PYROXD2: variants seen among roughly 807,000 people sequenced by gnomAD.
PYROXD2 encodes pyridine nucleotide-disulphide oxidoreductase domain 2.
PYROXD2 carries 69 observed loss-of-function variants against 71.1 expected under a neutral mutation model. The ratio of observed to expected loss-of-function variants is 0.97; its 90% CI spans 0.80 to 1.19. PYROXD2 has a LOEUF of 1.19. Among genes scored for constraint, PYROXD2 ranks in the 50% most tolerant of loss-of-function variants. PYROXD2 has a pLI of 0.00. For missense variants in PYROXD2, 745 were observed against 748.9 expected, an observed-to-expected ratio of 0.99 and a Z score of 0.06; for synonymous variants, 287 against 302.7, an observed-to-expected ratio of 0.95 and a Z score of 0.54.
rs151069869 is a variant in PYROXD2 at position 98,395,411 on chromosome 10, G to A, written c.667C>T (p.Leu223Phe). The change falls in exon 7 of 16, where the codon CTC becomes TTC. Residue 223 changes from leucine (L) to phenylalanine (F), a missense_variant. Coordinates refer to ENST00000370575, the MANE Select transcript of PYROXD2 (RefSeq NM_032709.3). Reference protein sequence around the residue: ...GAQLPRYYEVLTAPITKVLDQ... With the variant: ...GAQLPRYYEVFTAPITKVLDQ... ...CTCACCTTGGTAATGGGAGCTGTGA[G>A]GACCTCATAATATCGGGGAAGCTGG... 4.3e-5 allele frequency: 70 copies of A among 1,614,214 alleles called. No homozygotes were observed. The African/African-American group carries it at 8.1e-4, about 19-fold the overall frequency.
intron 12 of PYROXD2, among the ~76,000 whole-genome samples, chr10:98,389,938 C>T (rs2135934125): frequency 6.6e-6 from 1 of 152,354 alleles, no homozygotes; most frequent in Non-Finnish European, 1.5e-5. Context: ...CTATACCCTT[C>T]TTTCCAGGCG....
In PYROXD2 at chr10:98,395,110, G is replaced by A. The variant is rs990397914; in HGVS notation, c.785+86C>T. The A allele has an allele frequency of 3.4e-5, 39 of 1,146,286 alleles. No individual in the cohort carries two copies. The Admixed American group carries it at 6.6e-4, about 19-fold the overall frequency. 71.0% of individuals were successfully genotyped at this position (1,146,286 alleles called of 1,614,324 possible). ...GGGTGAGCTCTGTTAAGTGGCAGCT[G>A]TTGTTGCTGCCACTGCCACTGTTGT... On this transcript the variant is annotated intron_variant, in intron 8 of 15. Transcript: ENST00000370575.
intron 4 of PYROXD2, among the ~76,000 whole-genome samples, chr10:98,403,162 C>A (rs1488668767): frequency 6.6e-6 from 1 of 152,224 alleles, no homozygotes; most frequent in African/African-American, 2.4e-5. Context: ...TGGGGTCCCT[C>A]CTATCCCTAA....
intron 12 of PYROXD2, 62 bp from the exon 13 acceptor site, chr10:98,388,570 G>C (rs571672230): frequency 1.4e-6 from 2 of 1,441,872 alleles, no homozygotes; most frequent in Non-Finnish European, 1.8e-6. Context: ...TAGGGCATCC[G>C]AGATGACTTG....
chr10:98,386,751 G>A (rs1284925076), intron 14 of PYROXD2, among the ~76,000 whole-genome samples: 1 of 152,190 alleles, frequency 6.6e-6, no homozygotes, highest in South Asian at 2.1e-4. Context: ...GTCTCACTAC[G>A]TTGCCTAGGG....
chr10:98,403,785 C>T (rs1843502888), intron 4 of PYROXD2, among the ~76,000 whole-genome samples: 1 of 152,188 alleles, frequency 6.6e-6, no homozygotes, highest in Non-Finnish European at 1.5e-5. Flanking sequence ...CTTCTTGGCA[C>T]TCTCCCTGAA....
At chr10:98,408,808 C>G (rs1330092600) in intron 2 of PYROXD2, among the ~76,000 whole-genome samples, 2 of 152,226 alleles carry the variant, frequency 1.3e-5, no homozygotes, top group Admixed American at 1.3e-4. Context: ...AAAAAGCTCA[C>G]TTGGCAGCTA....
At chr10:98,389,455 A>G (rs1352428888) in intron 12 of PYROXD2, among the ~76,000 whole-genome samples, 1 of 152,086 alleles carries the variant, frequency 6.6e-6, no homozygotes, top group Non-Finnish European at 1.5e-5. Context: ...GTCTTTTTAA[A>G]GCATAAGGCA....
Position 98,400,102 on chromosome 10 carries a change from C to A in PYROXD2, c.471G>T (p.Gln157His), listed in dbSNP as rs1353085911. The A allele has an allele frequency of 3.7e-6, 6 of 1,612,578 alleles. No homozygotes were observed. In the Admixed American group the frequency reaches 6.7e-5, roughly 18 times the overall value. The change falls in exon 5 of 16, where the codon CAG (glutamine) becomes CAT (histidine). Residue 157 changes from glutamine (Q) to histidine (H), a missense_variant and splice_region_variant. Transcript: ENST00000370575. ...CTCAGTCACTGGTCGCCTTCCCTAC[C>A]TGGGCATCCTTCTGGGAGAACTGGG... is the stretch of plus-strand genomic sequence containing the variant. ...QIAQFSQKDAQVFPKYEEFMH... is the reference protein window; with the variant it reads ...QIAQFSQKDAHVFPKYEEFMH...
Position 98,407,670 on chromosome 10 carries a change from G to T in PYROXD2, c.242-15C>A. ...GAACTTAAACCCTGAAACCGAATCCGATGAAGACTGTCACCAGGGGTCACC... is the reference window on the plus strand; with the variant it reads ...GAACTTAAACCCTGAAACCGAATCCTATGAAGACTGTCACCAGGGGTCACC... On this transcript the variant is annotated splice_polypyrimidine_tract_variant and intron_variant, in intron 3 of 15. Coordinates refer to ENST00000370575, the MANE Select transcript of PYROXD2 (RefSeq NM_032709.3). 1 of 1,613,520 alleles carries T rather than the reference G, an allele frequency of 6.2e-7. No homozygotes were observed. The highest frequency in any genetic ancestry group is 8.5e-7 in the Non-Finnish European group (1 of 1,179,944).
At chr10:98,393,949 T>A (rs1470690457) in intron 8 of PYROXD2, among the ~76,000 whole-genome samples, 1 of 152,190 alleles carries the variant, frequency 6.6e-6, no homozygotes, top group African/African-American at 2.4e-5. Flanking sequence ...TCTGTCGGCC[T>A]GAAGCCCCTC....
At chr10:98,388,534 G>A in intron 12 of PYROXD2, 26 bp from the exon 13 acceptor site, 1 of 1,548,558 alleles carries the variant, frequency 6.5e-7, no homozygotes, top group Non-Finnish European at 8.7e-7. Flanking sequence ...GGAGACGGCA[G>A]GTCTAAAGAG....
At position 98,390,580 on chromosome 10, in the gene PYROXD2, A is replaced by G. The variant is rs1590937558; in HGVS notation, c.1292+18T>C. ...CATGTGGAAGAACATCAGGGAACAT[A>G]AAGTCCAGGGCCCCTACCTGTGGGA... On this transcript the variant is annotated intron_variant, in intron 12 of 15. Transcript: ENST00000370575. 6.5e-7 allele frequency: 1 copy of G among 1,547,032 alleles called. No homozygotes were observed. The highest frequency in any genetic ancestry group is 8.7e-7 in the Non-Finnish European group (1 of 1,144,840).
chr10:98,407,482 C>T (rs10883091), intron 4 of PYROXD2, 100 bp downstream of exon 4: 405,741 of 1,404,804 alleles, frequency 0.29, 65,147 homozygotes, highest in African/African-American at 0.54. Context: ...CCCTCAGGGG[C>T]GGGCATCACC....
chr10:98,386,728 T>C (rs148103170), intron 14 of PYROXD2, among the ~76,000 whole-genome samples: 63 of 152,234 alleles, frequency 4.1e-4, no homozygotes, highest in African/African-American at 1.4e-3. Flanking sequence ...GTTTTTGTTT[T>C]TGTAGAGATG....
Position 98,393,200 on chromosome 10 carries a change from C to T in PYROXD2, c.786-117G>A, listed in dbSNP as rs113760485. 4.5e-3 allele frequency: 3,589 copies of T among 800,530 alleles called. 98 individuals carry two copies. The African/African-American group carries it at 0.056, about 12-fold the overall frequency. 49.6% of individuals were successfully genotyped at this position (800,530 alleles called of 1,614,324 possible). On this transcript the variant is annotated intron_variant, in intron 8 of 15. Coordinates refer to ENST00000370575, the MANE Select transcript of PYROXD2 (RefSeq NM_032709.3). ...AGCCCTTCCCTGCCACCATCCAGCC[C>T]TCTCCCAGCAGCCTTCAATGAGCTC...
chr10:98,400,254 G>A lies in PYROXD2; in HGVS notation c.319C>T (p.His107Tyr). 6.2e-7 allele frequency: 1 copy of A among 1,608,304 alleles called. No homozygotes were observed. The change falls in exon 5 of 16, where the codon CAT becomes TAT. Residue 107 changes from histidine (H) to tyrosine (Y), a missense_variant. By Grantham distance (83) the His-to-Tyr change is moderately conservative. Transcript: ENST00000370575. ...QIYTDLELKK[H>Y]GLRLHLRNPY... ...TTTCGAAGATGAAGCCTCAGCCCAT[G>A]TTTCTGCAAAACACAAATAGCATGG...
intron 5 of PYROXD2, among the ~76,000 whole-genome samples, chr10:98,399,123 A>G (rs571293139): frequency 2.8e-4 from 43 of 152,312 alleles, no homozygotes; most frequent in African/African-American, 1.0e-3. Context: ...CCTGGGCAAC[A>G]GAGTGAGACC....
At position 98,383,710 on chromosome 10, in the gene PYROXD2, C is replaced by T. The variant is rs1015140858; in HGVS notation, c.*88G>A. ...ATTGTGGTGGCCTTATGTACTAACC[C>T]GAAGCTGAACTTCCTGGGAAGCTGA... On this transcript the variant is annotated 3_prime_UTR_variant, in exon 16 of 16. Coordinates refer to ENST00000370575, the MANE Select transcript of PYROXD2 (RefSeq NM_032709.3). 1.7e-5 allele frequency: 20 copies of T among 1,152,938 alleles called. No individual in the cohort carries two copies. Among genetic ancestry groups the T allele is most frequent in the South Asian group, 4.9e-5 (4 of 81,566 alleles). The allele number at this position is 1,152,938 out of a possible 1,614,324, so 71.4% of individuals were successfully genotyped here. A position where few individuals can be genotyped will look rare whatever the true frequency, so the allele number is the denominator to read the frequency against.
Sources: gnomAD v4.1 joint callset for allele counts (sites outside exome capture counted in the v4.1 genomes callset) on GRCh38, gnomAD v4.1.1 for gene constraint, MANE v1.5 for transcripts, NCBI Gene and HGNC (gene_info 2026-07-23, HGNC 2026-07-21) for gene names.